EDIL3: variants seen among roughly 807,000 people sequenced by gnomAD.
EDIL3 encodes the protein EGF like and discoidin domains 3, also known as EGF-like repeat and discoidin I-like domain-containing protein 3.
Under a neutral mutation model 67.4 loss-of-function variants are expected in EDIL3, and 37 were observed. The ratio of observed to expected loss-of-function variants is 0.55; its 90% CI spans 0.42 to 0.72. The LOEUF is 0.72. Ranked by LOEUF, EDIL3 falls within the 30% of genes least tolerant of loss-of-function variation. The pLI is 0.00. For synonymous variants in EDIL3, 195 were observed against 196.3 expected, an observed-to-expected ratio of 0.99 and a Z score of 0.05; for missense variants, 527 against 586.3, an observed-to-expected ratio of 0.90 and a Z score of 1.04.
chr5:84,247,364 T>G (rs1380982815), intron 2 of EDIL3, among the ~76,000 whole-genome samples: 1 of 152,152 alleles, frequency 6.6e-6, no homozygotes, highest in Non-Finnish European at 1.5e-5. Context: ...GTTAACTTTC[T>G]GATATTTCAT....
At chr5:84,141,186 GC>G (rs1480456513) in intron 4 of EDIL3, among the ~76,000 whole-genome samples, 1 of 151,570 alleles carries the variant, frequency 6.6e-6, no homozygotes, top group African/African-American at 2.4e-5. Context: ...TGATAAAGTA[GC>G]CCCCATATGA....
chr5:84,356,873 A>T (rs1201953547), intron 1 of EDIL3, among the ~76,000 whole-genome samples: 1 of 148,916 alleles, frequency 6.7e-6, no homozygotes, highest in Non-Finnish European at 1.5e-5. Flanking sequence ...GGACCTTGAG[A>T]AAACAATCTT....
rs546527304 is a variant in EDIL3 at position 84,069,827 on chromosome 5, G to A, written c.652-3221C>T. On this transcript the variant is annotated intron_variant, in intron 6 of 10. Transcript: ENST00000296591. Reference sequence around the variant, plus strand: ...TGCATTTTCCAAGAGCACCTGTCCCGCCACACCCCATCCTGTGCCTGTAAA... The same window carrying A: ...TGCATTTTCCAAGAGCACCTGTCCCACCACACCCCATCCTGTGCCTGTAAA... Among the ~76,000 whole-genome samples, 13 of 152,084 alleles carry A rather than the reference G, an allele frequency of 8.5e-5. No individual in the cohort carries two copies. In the South Asian group the frequency reaches 1.3e-3, roughly 15 times the overall value.
intron 1 of EDIL3, among the ~76,000 whole-genome samples, chr5:84,281,460 C>G (rs1295697198): frequency 1.3e-5 from 2 of 152,194 alleles, no homozygotes; most frequent in African/African-American, 4.8e-5. Context: ...TTAAATCTGA[C>G]TCATGTTTCC....
At chr5:84,164,407 T>C (rs1748668573) in intron 4 of EDIL3, among the ~76,000 whole-genome samples, 1 of 152,088 alleles carries the variant, frequency 6.6e-6, no homozygotes, top group Admixed American at 6.6e-5. Flanking sequence ...TGGTAAAATA[T>C]GCCAGCACTA....
chr5:84,107,973 T>A (rs1377441586), intron 5 of EDIL3, among the ~76,000 whole-genome samples: 1 of 151,068 alleles, frequency 6.6e-6, no homozygotes, highest in African/African-American at 2.4e-5. Flanking sequence ...AAAAATATAC[T>A]ACAATAATTT....
intron 3 of EDIL3, among the ~76,000 whole-genome samples, chr5:84,220,883 G>A (rs1393349533): frequency 6.6e-6 from 1 of 151,948 alleles, no homozygotes; most frequent in Non-Finnish European, 1.5e-5. Flanking sequence ...AGTAGCTGTT[G>A]GCAGACATAT....
chr5:84,324,602 C>G (rs945379162), intron 1 of EDIL3, among the ~76,000 whole-genome samples: 2 of 150,930 alleles, frequency 1.3e-5, no homozygotes, highest in African/African-American at 4.9e-5. Flanking sequence ...TAGAAAAACA[C>G]TACAGAAAAC....
At chr5:83,982,631 T>C (rs1319016600) in intron 9 of EDIL3, among the ~76,000 whole-genome samples, 1 of 152,164 alleles carries the variant, frequency 6.6e-6, no homozygotes, top group Non-Finnish European at 1.5e-5. Flanking sequence ...TTTATATCTC[T>C]AGAATAAGAT....
intron 9 of EDIL3, among the ~76,000 whole-genome samples, chr5:84,032,995 C>A (rs1166098356): frequency 6.6e-6 from 1 of 152,170 alleles, no homozygotes; most frequent in Non-Finnish European, 1.5e-5. Flanking sequence ...AGGGTCCTCA[C>A]GTTTGAATGG....
rs182824337 is a variant in EDIL3, at chr5:84,043,626, G to C, written c.1137+16674C>G. 4.2e-4 allele frequency among the ~76,000 whole-genome samples: 64 copies of C among 152,282 alleles called. 1 individual carries two copies. In the East Asian group the frequency reaches 0.012, roughly 28 times the overall value. ...AACTCAACAGAAAAGGGAGAAACTG[G>C]ATTTTTGGGTCAAGTTCTGCCATTT... On this transcript the variant is annotated intron_variant, in intron 9 of 10. Transcript: ENST00000296591.
chr5:84,133,811 T>A (rs1388747318), intron 5 of EDIL3, among the ~76,000 whole-genome samples: 3 of 151,776 alleles, frequency 2.0e-5, no homozygotes, highest in Non-Finnish European at 4.4e-5. Flanking sequence ...AATAAATAAA[T>A]AAATAAACTA....
intron 5 of EDIL3, among the ~76,000 whole-genome samples, chr5:84,126,418 A>G (rs969008296): frequency 6.6e-6 from 1 of 152,082 alleles, no homozygotes; most frequent in Non-Finnish European, 1.5e-5. Context: ...CTTCAAACAT[A>G]TAAAATGAAA....
At chr5:84,117,017 C>CTTTTTTTT in intron 5 of EDIL3, among the ~76,000 whole-genome samples, 1 of 93,126 alleles carries the variant, frequency 1.1e-5, no homozygotes, top group South Asian at 3.3e-4. Context: ...AAGTTAAGTA[C>CTTTTTTTT]TTATTTTTTT....
chr5:84,254,174 T>A lies in EDIL3; in HGVS notation c.106A>T (p.Ile36Phe), dbSNP rs202019618. The A allele has an allele frequency of 1.2e-6, 2 of 1,612,590 alleles. No individual in the cohort carries two copies. The highest frequency in any genetic ancestry group is 8.5e-7 in the Non-Finnish European group (1 of 1,179,212). Residue 36 changes from isoleucine (I) to phenylalanine (F), a missense_variant, in exon 2 of 11, where the codon ATC (isoleucine) becomes TTC (phenylalanine). Transcript: ENST00000296591. ...CDPNPCENGG[I>F]CLPGLADGSF... is the part of the protein sequence containing the mutation. ...CCATCAGCCAATCCTGGCAAACAGA[T>A]ACCTCCATTTTCACATGGATTGGGA...
intron 5 of EDIL3, among the ~76,000 whole-genome samples, chr5:84,118,347 G>T (rs999130348): frequency 6.6e-6 from 1 of 151,984 alleles, no homozygotes; most frequent in Non-Finnish European, 1.5e-5. Flanking sequence ...AAAGAAAATA[G>T]AATCACTCAG....
intron 5 of EDIL3, among the ~76,000 whole-genome samples, chr5:84,130,496 T>C (rs1360966444): frequency 6.6e-6 from 1 of 152,182 alleles, no homozygotes; most frequent in African/African-American, 2.4e-5. Context: ...AGTTTTCTTG[T>C]AAAACTTATG....
At chr5:84,239,131 G>T (rs1163358627) in intron 2 of EDIL3, among the ~76,000 whole-genome samples, 1 of 152,052 alleles carries the variant, frequency 6.6e-6, no homozygotes, top group East Asian at 1.9e-4. Flanking sequence ...TCTTTGACAG[G>T]CCAGTCATTC....
intron 1 of EDIL3, among the ~76,000 whole-genome samples, chr5:84,363,602 T>C (rs965239526): frequency 6.6e-6 from 1 of 152,172 alleles, no homozygotes; most frequent in African/African-American, 2.4e-5. Flanking sequence ...GATACTGTAT[T>C]AAAGGAAATT....
Sources: allele counts gnomAD v4.1 joint callset (sites outside exome capture counted in the v4.1 genomes callset), GRCh38; gene constraint gnomAD v4.1.1; transcripts MANE v1.5; gene names NCBI Gene and HGNC (gene_info 2026-07-23, HGNC 2026-07-21).